FGD4: variants seen among roughly 807,000 people sequenced by gnomAD.
The protein encoded by FGD4 is FYVE, RhoGEF and PH domain-containing protein 4.
A neutral mutation model predicts 102.0 loss-of-function variants in FGD4; 42 were observed. That is an observed-to-expected ratio of 0.41 (90% CI 0.32 to 0.53). The LOEUF is 0.53. Ranked by LOEUF, FGD4 falls within the 20% of genes least tolerant of loss-of-function variation. FGD4 has a pLI of 0.21. For synonymous variants in FGD4, 380 were observed against 375.7 expected (o/e 1.01, Z -0.13); for missense variants, 902 against 1,078.2 (o/e 0.84, Z 2.29).
intron 1 of FGD4, among the ~76,000 whole-genome samples, chr12:32,473,890 A>C (rs995423691): frequency 1.3e-5 from 2 of 152,078 alleles, no homozygotes; most frequent in Non-Finnish European, 1.5e-5. Flanking sequence ...GATCGAGACC[A>C]TCATGGCTAA....
At chr12:32,459,799 A>T (rs1943052027) in intron 1 of FGD4, among the ~76,000 whole-genome samples, 1 of 152,056 alleles carries the variant, frequency 6.6e-6, no homozygotes, top group Non-Finnish European at 1.5e-5. Context: ...CCTGGGCTCA[A>T]GCAATCCTCT....
In FGD4 at chr12:32,424,820, A is replaced by G. The variant is rs573901655; in HGVS notation, c.166+24861A>G. Among the ~76,000 whole-genome samples, 3 of 152,316 alleles carry G rather than the reference A, an allele frequency of 2.0e-5. No individual in the cohort carries two copies. The South Asian group carries it at 6.2e-4, about 32-fold the overall frequency. On this transcript the variant is annotated intron_variant, in intron 1 of 16. Coordinates refer to ENST00000534526, the MANE Select transcript of FGD4 (RefSeq NM_001370298.3). ...TTTGATTTCCATTTCTCTAATGACC[A>G]GTGATGATGAGCTTTTTTTCATATG...
chr12:32,402,514 C>T (rs927610208), intron 1 of FGD4, among the ~76,000 whole-genome samples: 3 of 151,752 alleles, frequency 2.0e-5, no homozygotes, highest in African/African-American at 4.8e-5. Flanking sequence ...TAGGTACAAT[C>T]GTAGCTCACT....
rs1035663283 is a variant in FGD4, at chr12:32,506,544, T to C, written c.167-57593T>C. The stretch of plus-strand genomic sequence containing the variant: ...TTCCTGTTGTGGGTTAGTACAACTT[T>C]CCTGTGGGCCTTTCCACAGGTATAC... On this transcript the variant is annotated intron_variant, in intron 1 of 16. Coordinates refer to ENST00000534526, the MANE Select transcript of FGD4 (RefSeq NM_001370298.3). This position sits in a 1 kb window ranked among gnomAD's most constrained non-coding sequence, Gnocchi z 4.5. 6.6e-6 allele frequency among the ~76,000 whole-genome samples: 1 copy of C among 152,166 alleles called. No individual in the cohort carries two copies. The highest frequency in any genetic ancestry group is 2.4e-5 in the African/African-American group (1 of 41,448).
At position 32,645,169 on chromosome 12, in the gene FGD4, T is replaced by C. The variant is rs1951344955; in HGVS notation, c.*4636T>C. ...GTGACATATAGGTTTGGGAAGAAAC[T>C]AGTCTGTGGGGACCATTATAAGAGA... On this transcript the variant is annotated 3_prime_UTR_variant, in exon 17 of 17. Coordinates refer to ENST00000534526, the MANE Select transcript of FGD4 (RefSeq NM_001370298.3). 6.6e-6 allele frequency: 1 copy of C among 152,158 alleles called. No individual in the cohort carries two copies. Among genetic ancestry groups the C allele is most frequent in the Non-Finnish European group, 1.5e-5 (1 of 68,048 alleles). The allele number at this position is 152,158 out of a possible 1,614,324, so 9.4% of individuals were successfully genotyped here. A position where few individuals can be genotyped will look rare whatever the true frequency, so the allele number is the denominator to read the frequency against.
At chr12:32,634,302 C>T (rs1045256038) in intron 15 of FGD4, among the ~76,000 whole-genome samples, 12 of 152,074 alleles carry the variant, frequency 7.9e-5, no homozygotes, top group African/African-American at 9.7e-5. Context: ...CTCTCAATTT[C>T]GTCATATTGG....
chr12:32,607,542 G>C (rs967088828), intron 7 of FGD4, among the ~76,000 whole-genome samples: 1 of 152,222 alleles, frequency 6.6e-6, no homozygotes, highest in African/African-American at 2.4e-5. Context: ...TTGAGACGGA[G>C]TCTCACTCTG....
intron 1 of FGD4, among the ~76,000 whole-genome samples, chr12:32,432,624 T>G: frequency 6.7e-6 from 1 of 149,512 alleles, no homozygotes; most frequent in African/African-American, 2.5e-5. Context: ...AAAAAGGTAG[T>G]AATAGGGGTT....
chr12:32,448,353 A>G (rs1942679672), intron 1 of FGD4, among the ~76,000 whole-genome samples: 1 of 152,050 alleles, frequency 6.6e-6, no homozygotes, highest in Admixed American at 6.6e-5. Context: ...AGTCATATGG[A>G]CTCATAGAAA....
chr12:32,516,072 A>G (rs777644335), intron 1 of FGD4, among the ~76,000 whole-genome samples: 3 of 152,224 alleles, frequency 2.0e-5, no homozygotes, highest in Non-Finnish European at 2.9e-5. Context: ...AAGCAAAACC[A>G]TTCTCAGAAA....
intron 4 of FGD4, among the ~76,000 whole-genome samples, chr12:32,587,459 C>T (rs571162070): frequency 7.9e-5 from 12 of 152,118 alleles, no homozygotes; most frequent in African/African-American, 2.2e-4. Flanking sequence ...GACGCTATCT[C>T]GGCTCACTAC....
intron 1 of FGD4, among the ~76,000 whole-genome samples, chr12:32,427,938 T>C (rs942621093): frequency 6.6e-6 from 1 of 152,218 alleles, no homozygotes; most frequent in Non-Finnish European, 1.5e-5. Flanking sequence ...CATCCCTTTA[T>C]TTTGAGCCTA....
chr12:32,413,544 C>T (rs1941289362), intron 1 of FGD4, among the ~76,000 whole-genome samples: 1 of 152,152 alleles, frequency 6.6e-6, no homozygotes, highest in South Asian at 2.1e-4. Context: ...CAGAGGAAGG[C>T]ACACTTTGGA....
At chr12:32,493,631 G>A (rs751837944) in intron 1 of FGD4, among the ~76,000 whole-genome samples, 4 of 152,170 alleles carry the variant, frequency 2.6e-5, no homozygotes, top group Admixed American at 6.5e-5. Context: ...ATGCCTAGCC[G>A]TTTTTTATTT....
At chr12:32,614,503 T>C (rs183652965) in intron 10 of FGD4, among the ~76,000 whole-genome samples, 71 of 152,332 alleles carry the variant, frequency 4.7e-4, no homozygotes, top group African/African-American at 1.6e-3. Context: ...ATCTGCTTAT[T>C]ATGAGATGAC....
At chr12:32,561,382 TG>T (rs1324750324) in intron 1 of FGD4, among the ~76,000 whole-genome samples, 3 of 152,174 alleles carry the variant, frequency 2.0e-5, no homozygotes, top group Non-Finnish European at 4.4e-5. Flanking sequence ...CCACCGCACC[TG>T]GCCCAAATGT....
intron 1 of FGD4, among the ~76,000 whole-genome samples, chr12:32,435,663 CATTT>C (rs1942206791): frequency 6.6e-6 from 1 of 151,880 alleles, no homozygotes; most frequent in African/African-American, 2.4e-5. Context: ...CAATGTTGAT[CATTT>C]ATTTATTTAT....
intron 1 of FGD4, among the ~76,000 whole-genome samples, chr12:32,539,978 G>A (rs1487063855): frequency 7.9e-5 from 12 of 151,978 alleles, no homozygotes. Flanking sequence ...ATATTGCCCA[G>A]TAAATTTTTT....
chr12:32,418,308 C>T (rs1330972427), intron 1 of FGD4, among the ~76,000 whole-genome samples: 2 of 152,040 alleles, frequency 1.3e-5, no homozygotes, highest in Non-Finnish European at 2.9e-5. Flanking sequence ...GGTCTTCATC[C>T]TTGTAGATAT....
Sources: gnomAD v4.1 joint callset for allele counts (sites outside exome capture counted in the v4.1 genomes callset) on GRCh38, gnomAD v4.1.1 for gene constraint, Gnocchi (gnomAD v3.1) non-coding constraint, MANE v1.5 for transcripts, NCBI Gene and HGNC (gene_info 2026-07-23, HGNC 2026-07-21) for gene names.